The following STAU2 variants were observed in gnomAD, a reference collection of about 807,000 sequenced individuals.
The protein encoded by STAU2 is double-stranded RNA-binding protein Staufen homolog 2.
In STAU2, 20 loss-of-function variants were observed where a neutral mutation model predicts 65.9. The ratio of observed to expected loss-of-function variants is 0.30; its 90% CI spans 0.21 to 0.44. The LOEUF is 0.44. STAU2 is among the 20% of genes least tolerant of loss of function. The pLI, the probability that STAU2 is intolerant of heterozygous loss-of-function variation, is 1.00. For missense variants in STAU2, 558 were observed against 683.9 expected (o/e 0.82, Z 2.05); for synonymous variants, 232 against 233.9 (o/e 0.99, Z 0.07).
intron 11 of STAU2, among the ~76,000 whole-genome samples, chr8:73,592,591 C>T (rs895434798): frequency 2.6e-5 from 4 of 152,056 alleles, no homozygotes; most frequent in Admixed American, 2.6e-4. Context: ...AGGTGAGGTG[C>T]CTCACGCCTG....
chr8:73,663,192 G>C (rs1816968136), intron 6 of STAU2, among the ~76,000 whole-genome samples: 1 of 152,058 alleles, frequency 6.6e-6, no homozygotes, highest in Non-Finnish European at 1.5e-5. Flanking sequence ...AAATAAGCAA[G>C]TATATACAAC....
intron 7 of STAU2, among the ~76,000 whole-genome samples, chr8:73,616,211 T>C (rs1812825033): frequency 6.6e-6 from 1 of 152,186 alleles, no homozygotes; most frequent in Admixed American, 6.5e-5. Flanking sequence ...TGGAGATCTA[T>C]GTCTGGCACA....
intron 11 of STAU2, 85 bp downstream of exon 11, chr8:73,595,081 A>G: frequency 8.4e-7 from 1 of 1,192,054 alleles, no homozygotes; most frequent in Non-Finnish European, 1.1e-6. Context: ...ATTGACATTT[A>G]CTTTAATATC....
chr8:73,433,925 C>T (rs1437187683), intron 13 of STAU2, among the ~76,000 whole-genome samples: 1 of 151,872 alleles, frequency 6.6e-6, no homozygotes, highest in Non-Finnish European at 1.5e-5. Context: ...CTCTGTGTGG[C>T]GGGCAGAATC....
chr8:73,485,985 A>G (rs35906810), intron 13 of STAU2, among the ~76,000 whole-genome samples: 12,124 of 152,238 alleles, frequency 0.08, 585 homozygotes, highest in African/African-American at 0.13. Flanking sequence ...GGGGTCCAGT[A>G]GAGGAAGAGG....
At chr8:73,701,633 G>A (rs116280699) in intron 4 of STAU2, among the ~76,000 whole-genome samples, 1,667 of 152,248 alleles carry the variant, frequency 0.011, 29 homozygotes, top group African/African-American at 0.038. Context: ...TTGTTAGCAA[G>A]AATGTAAATT....
At chr8:73,643,432 G>A (rs1377009587) in intron 6 of STAU2, among the ~76,000 whole-genome samples, 2 of 152,268 alleles carry the variant, frequency 1.3e-5, no homozygotes, top group Admixed American at 6.5e-5. Flanking sequence ...AGGTGAAGTG[G>A]GACAGTGAAT....
intron 6 of STAU2, among the ~76,000 whole-genome samples, chr8:73,670,272 T>A (rs186827977): frequency 6.6e-6 from 1 of 151,852 alleles, no homozygotes; most frequent in Non-Finnish European, 1.5e-5. Flanking sequence ...GAAGCAGAGA[T>A]GTTACAGGAG....
At position 73,427,625 on chromosome 8, in the gene STAU2, G is replaced by A. The variant is rs1423016611; in HGVS notation, c.1531-4923C>T. On this transcript the variant is annotated intron_variant, in intron 13 of 14. Coordinates refer to ENST00000524300, the MANE Select transcript of STAU2 (RefSeq NM_001164380.2). ...CTAAGGCGGCTATGCTGAGGGCAGT[G>A]CATGTGCCCACAGCCTGTGTCCATC... is the stretch of plus-strand genomic sequence containing the variant. Among the ~76,000 whole-genome samples the A allele has an allele frequency of 2.6e-5, 4 of 152,372 alleles. No homozygotes were observed. In the East Asian group the frequency reaches 7.7e-4, roughly 29 times the overall value.
At chr8:73,504,731 T>C (rs1331871787) in intron 13 of STAU2, among the ~76,000 whole-genome samples, 2 of 152,064 alleles carry the variant, frequency 1.3e-5, no homozygotes, top group Admixed American at 6.6e-5. Flanking sequence ...AAACAAAACT[T>C]GTTTTTCCTA....
chr8:73,679,790 A>G (rs1818273555), intron 5 of STAU2, among the ~76,000 whole-genome samples: 1 of 151,212 alleles, frequency 6.6e-6, no homozygotes, highest in Non-Finnish European at 1.5e-5. Context: ...TGGGAGGCTG[A>G]GGCAGGAGAA....
chr8:73,638,301 T>C (rs1814701872), intron 6 of STAU2, among the ~76,000 whole-genome samples: 2 of 151,968 alleles, frequency 1.3e-5, no homozygotes, highest in Admixed American at 1.3e-4. Context: ...TAAATTTTCC[T>C]TGATCCAGCA....
Position 73,421,310 on chromosome 8 carries a change from C to T in STAU2, c.*62G>A. ...AGTCATTCATTTCCCTGAACACAGA[C>T]ACCCTCATGCGTGCTGACAGGTTTA... On this transcript the variant is annotated 3_prime_UTR_variant, in exon 15 of 15. Transcript: ENST00000524300. The T allele has an allele frequency of 7.2e-7, 1 of 1,389,240 alleles. No individual in the cohort carries two copies. 86.1% of individuals were successfully genotyped at this position (1,389,240 alleles called of 1,614,324 possible). A position where few individuals can be genotyped will look rare whatever the true frequency, so the allele number is the denominator to read the frequency against.
At chr8:73,634,481 T>C (rs1468275455) in intron 6 of STAU2, among the ~76,000 whole-genome samples, 3 of 152,114 alleles carry the variant, frequency 2.0e-5, no homozygotes, top group Admixed American at 6.5e-5. Context: ...TAAGCTGAGA[T>C]TGCGCCACTG....
At chr8:73,610,771 T>TA (rs1812393083) in intron 9 of STAU2, among the ~76,000 whole-genome samples, 1 of 152,332 alleles carries the variant, frequency 6.6e-6, no homozygotes, top group Admixed American at 6.5e-5. Flanking sequence ...GAATTACATT[T>TA]AAAAACAGAA....
chr8:73,491,981 GT>G, intron 13 of STAU2, among the ~76,000 whole-genome samples: 1 of 151,928 alleles, frequency 6.6e-6, no homozygotes, highest in East Asian at 1.9e-4. Flanking sequence ...CTGATTTGGC[GT>G]GTTTTGATTA....
At chr8:73,442,353 C>CAAA (rs10606663) in intron 13 of STAU2, among the ~76,000 whole-genome samples, 4 of 100,122 alleles carry the variant, frequency 4.0e-5, no homozygotes, top group East Asian at 3.0e-4. Flanking sequence ...GACTCCGTCT[C>CAAA]AAAAAAAAAA....
At chr8:73,579,677 CAG>C (rs1377661421) in intron 12 of STAU2, among the ~76,000 whole-genome samples, 4 of 152,100 alleles carry the variant, frequency 2.6e-5, no homozygotes, top group Non-Finnish European at 4.4e-5. Flanking sequence ...CCTCACATTA[CAG>C]AGTTATGTGT....
intron 3 of STAU2, among the ~76,000 whole-genome samples, chr8:73,711,815 G>A (rs1820920913): frequency 6.6e-6 from 1 of 152,104 alleles, no homozygotes; most frequent in African/African-American, 2.4e-5. Context: ...AAGTTTTAGT[G>A]TGAGAAGGGT....
Sources: allele counts gnomAD v4.1 joint callset (sites outside exome capture counted in the v4.1 genomes callset), GRCh38; gene constraint gnomAD v4.1.1; transcripts MANE v1.5; gene names NCBI Gene and HGNC (gene_info 2026-07-23, HGNC 2026-07-21).